PCDHA5: variants seen among roughly 807,000 people sequenced by gnomAD.
PCDHA5 encodes protocadherin alpha 5.
A neutral mutation model predicts 61.6 loss-of-function variants in PCDHA5; 43 were observed. The ratio of observed to expected loss-of-function variants is 0.70; its 90% CI spans 0.55 to 0.90. The LOEUF is 0.90. Ranked by LOEUF, PCDHA5 falls within the 40% of genes least tolerant of loss-of-function variation. The probability of loss-of-function intolerance (pLI) is 0.00; values close to 1 mark genes in which losing one functional copy is unlikely to be tolerated. For missense variants in PCDHA5, 1,298 were observed against 1,222.7 expected, an observed-to-expected ratio of 1.06 and a Z score of -0.92; for synonymous variants, 627 against 543.9, an observed-to-expected ratio of 1.15 and a Z score of -2.13.
rs1781368180 is a variant in PCDHA5 at position 140,848,199 on chromosome 5, A to G, written c.2352+24072A>G. 9.4e-6 allele frequency: 3 copies of G among 318,910 alleles called. No individual in the cohort carries two copies. In the East Asian group the frequency reaches 1.6e-4, roughly 17 times the overall value. The allele number at this position is 318,910 out of a possible 1,614,324, so 19.8% of individuals were successfully genotyped here. ...GAGAAACGGGATCTTCTGTTTCAAC[A>G]ATCATTACTTAAGAAAAAATTAAGA... On this transcript the variant is annotated intron_variant, in intron 1 of 3. Transcript: ENST00000529859.
At chr5:140,960,855 A>T (rs1363929142) in intron 1 of PCDHA5, among the ~76,000 whole-genome samples, 1 of 152,204 alleles carries the variant, frequency 6.6e-6, no homozygotes, top group Non-Finnish European at 1.5e-5. Context: ...GGCAACTATA[A>T]GCCAGAAATT....
chr5:140,966,714 G>C, intron 1 of PCDHA5: 1 of 1,394,064 alleles, frequency 7.2e-7, no homozygotes, highest in South Asian at 1.6e-5. Flanking sequence ...GGCACGGCTG[G>C]GGAAGCTGCC....
intron 1 of PCDHA5, among the ~76,000 whole-genome samples, chr5:140,953,480 T>C (rs782804804): frequency 2.6e-5 from 4 of 152,194 alleles, no homozygotes; most frequent in Non-Finnish European, 5.9e-5. Flanking sequence ...CCTCATGCTG[T>C]GTCACAACCT....
intron 1 of PCDHA5, among the ~76,000 whole-genome samples, chr5:140,960,799 A>C (rs2095571237): frequency 6.6e-6 from 1 of 152,170 alleles, no homozygotes; most frequent in Non-Finnish European, 1.5e-5. Flanking sequence ...TTTCTATTAA[A>C]ATAAGAGGTC....
chr5:140,830,065 G>T (rs1274600661), intron 1 of PCDHA5: 1 of 1,613,614 alleles, frequency 6.2e-7, no homozygotes, highest in African/African-American at 1.3e-5. Context: ...GTGAGCCGGC[G>T]CTGACAGCGA....
At chr5:140,876,315 C>T in intron 1 of PCDHA5, 1 of 1,613,958 alleles carries the variant, frequency 6.2e-7, no homozygotes, top group South Asian at 1.1e-5. Flanking sequence ...CCTATGGGAT[C>T]AAAATGATTT....
chr5:140,900,015 A>C (rs2067686381), intron 1 of PCDHA5, among the ~76,000 whole-genome samples: 1 of 151,940 alleles, frequency 6.6e-6, no homozygotes, highest in African/African-American at 2.4e-5. Context: ...TCACTTTGTT[A>C]CCCAGTTTGG....
intron 1 of PCDHA5, chr5:140,966,857 C>A: frequency 6.3e-7 from 1 of 1,575,742 alleles, no homozygotes; most frequent in Non-Finnish European, 8.6e-7. Flanking sequence ...TCTCCTGCTG[C>A]TGTTGCTGCT....
At chr5:140,856,204 G>A (rs782220766) in intron 1 of PCDHA5, 2 of 1,598,000 alleles carry the variant, frequency 1.3e-6, no homozygotes, top group African/African-American at 2.7e-5. Flanking sequence ...AGGACCTGGG[G>A]CTGGAGCTGG....
At chr5:140,932,059 AT>A (rs2087988463) in intron 1 of PCDHA5, among the ~76,000 whole-genome samples, 1 of 151,936 alleles carries the variant, frequency 6.6e-6, no homozygotes, top group Non-Finnish European at 1.5e-5. Context: ...AATACTAAAA[AT>A]TATCAGTTTA....
chr5:140,923,865 A>G (rs1422887617), intron 1 of PCDHA5, among the ~76,000 whole-genome samples: 1 of 152,226 alleles, frequency 6.6e-6, no homozygotes, highest in Non-Finnish European at 1.5e-5. Flanking sequence ...GGGAAGCCAA[A>G]AATCTGAGAA....
At chr5:140,828,426 G>A (rs2150155253) in intron 1 of PCDHA5, 5 of 1,614,288 alleles carry the variant, frequency 3.1e-6, no homozygotes, top group Non-Finnish European at 4.2e-6. Flanking sequence ...ATCGTGGACA[G>A]GCCGCTGCAG....
chr5:140,965,353 A>C (rs1255008521), intron 1 of PCDHA5, among the ~76,000 whole-genome samples: 1 of 152,172 alleles, frequency 6.6e-6, no homozygotes, highest in Non-Finnish European at 1.5e-5. Flanking sequence ...TTGCCTCTAT[A>C]GCAGTACAAG....
intron 1 of PCDHA5, chr5:140,836,577 T>A: frequency 6.2e-7 from 1 of 1,613,654 alleles, no homozygotes; most frequent in East Asian, 2.2e-5. Context: ...TGAGGGCGCA[T>A]GTAGTTTGGT....
chr5:140,824,626 T>G (rs2150135985), intron 1 of PCDHA5: 1 of 133,454 alleles, frequency 7.5e-6, no homozygotes, highest in South Asian at 2.3e-4. Context: ...TTTTTTTTTT[T>G]TTTTTTATTT....
intron 1 of PCDHA5, chr5:140,854,273 T>C (rs1180521058): frequency 1.8e-6 from 1 of 562,180 alleles, no homozygotes; most frequent in Non-Finnish European, 2.3e-6. Flanking sequence ...TTAGTAGAAA[T>C]TGAGTTTAGT....
At chr5:140,925,092 AGGAAGGAAGGAAGGAG>A (rs1190692996) in intron 1 of PCDHA5, among the ~76,000 whole-genome samples, 1 of 151,410 alleles carries the variant, frequency 6.6e-6, no homozygotes, top group Non-Finnish European at 1.5e-5. Flanking sequence ...AAAGGAAGGA[AGGAAGGAAGGAAGGAG>A]GGAAGGAAGG....
intron 1 of PCDHA5, among the ~76,000 whole-genome samples, chr5:140,888,040 T>C (rs1338203545): frequency 6.6e-6 from 1 of 152,222 alleles, no homozygotes; most frequent in Non-Finnish European, 1.5e-5. Context: ...TTAGTACATG[T>C]ATAATAGATG....
At chr5:140,933,401 C>T (rs1382982699) in intron 1 of PCDHA5, among the ~76,000 whole-genome samples, 1 of 151,928 alleles carries the variant, frequency 6.6e-6, no homozygotes, top group African/African-American at 2.4e-5. Flanking sequence ...ATCTGGTTAC[C>T]ATCTACAGAT....
Sources: gnomAD v4.1 joint callset for allele counts (sites outside exome capture counted in the v4.1 genomes callset) on GRCh38, gnomAD v4.1.1 for gene constraint, MANE v1.5 for transcripts, NCBI Gene and HGNC (gene_info 2026-07-23, HGNC 2026-07-21) for gene names.